Variants in STS observed in about 807,000 individuals in gnomAD.
STS encodes steroid sulfatase, also known as steryl-sulfatase.
STS carries 7 observed loss-of-function variants against 26.8 expected under a neutral mutation model. That is an observed-to-expected ratio of 0.26 (90% CI 0.15 to 0.49). The LOEUF (loss-of-function observed/expected upper bound fraction) is 0.49. Among genes scored for constraint, STS ranks in the 20% least tolerant of loss-of-function variants. The pLI is 0.98. For synonymous variants in STS, 199 were observed against 189.4 expected, an observed-to-expected ratio of 1.05 and a Z score of -0.42; for missense variants, 434 against 465.6, an observed-to-expected ratio of 0.93 and a Z score of 0.63.
intron 7 of STS, among the ~76,000 whole-genome samples, chrX:7,294,319 G>T (rs1353838939): frequency 9.1e-6 from 1 of 109,469 alleles, no homozygotes; most frequent in Non-Finnish European, 1.9e-5. Flanking sequence ...ATTTATTATG[G>T]TATCTTCCAA....
intron 2 of STS, among the ~76,000 whole-genome samples, chrX:7,252,014 A>G (rs755297358): frequency 1.8e-4 from 20 of 111,141 alleles, no homozygotes; most frequent in Non-Finnish European, 2.6e-4. Context: ...AAATTGTTCA[A>G]TTTCTTTCAC....
At position 7,298,405 on chromosome X, in the gene STS, A is replaced by G. The variant is rs148074541; in HGVS notation, c.944-6641A>G. On this transcript the variant is annotated intron_variant, in intron 7 of 10. Coordinates refer to ENST00000674429, the MANE Select transcript of STS (RefSeq NM_001320752.2). ...GGAGATCAGGACTAAAGTTTTGGAA[A>G]TCTTGACCATTTATTTCAGGAAGAA... is the stretch of plus-strand genomic sequence containing the variant. Among the ~76,000 whole-genome samples, 511 of 112,012 alleles carry G rather than the reference A, an allele frequency of 4.6e-3. 2 individuals are homozygous for G. The highest frequency in any genetic ancestry group is 0.016 in the African/African-American group (484 of 30,878).
At position 7,295,889 on chromosome X, in the gene STS, C is replaced by A. The variant is rs769953122; in HGVS notation, c.944-9157C>A. On this transcript the variant is annotated intron_variant, in intron 7 of 10. Coordinates refer to ENST00000674429, the MANE Select transcript of STS (RefSeq NM_001320752.2). ...TTCAAGTGGAAAGAAAGGCTTGGAC[C>A]TGTGACTGATGTACAAGGTGTCAGC... 5.4e-5 allele frequency among the ~76,000 whole-genome samples: 6 copies of A among 111,960 alleles called. No homozygotes were observed. The South Asian group carries it at 2.3e-3, about 42-fold the overall frequency.
At chrX:7,277,468 T>TCAAAAC (rs758876280) in intron 7 of STS, among the ~76,000 whole-genome samples, 2 of 111,788 alleles carry the variant, frequency 1.8e-5, no homozygotes, top group Non-Finnish European at 3.8e-5. Flanking sequence ...TTGTTCTGTT[T>TCAAAAC]TGTTTTAAAT....
intron 1 of STS, among the ~76,000 whole-genome samples, chrX:7,185,795 G>A (rs971189186): frequency 3.1e-4 from 35 of 112,368 alleles, no homozygotes; most frequent in African/African-American, 9.0e-4. Flanking sequence ...TGTTTCTCAG[G>A]AAATTCCTAT....
intron 1 of STS, among the ~76,000 whole-genome samples, chrX:7,172,027 T>G (rs752952208): frequency 2.7e-5 from 3 of 112,052 alleles, no homozygotes; most frequent in Admixed American, 9.5e-5. Context: ...TTTGGGAATA[T>G]TCTCATCACC....
intron 7 of STS, among the ~76,000 whole-genome samples, chrX:7,304,434 G>A (rs1926118593): frequency 9.0e-6 from 1 of 111,386 alleles, no homozygotes; most frequent in Non-Finnish European, 1.9e-5. Context: ...GAGGTCAGGA[G>A]GAATGTTGAT....
At chrX:7,148,406 C>G (rs1209044348) in intron 1 of STS, among the ~76,000 whole-genome samples, 6 of 112,959 alleles carry the variant, frequency 5.3e-5, no homozygotes, top group African/African-American at 1.6e-4. Flanking sequence ...CGGAATCGGG[C>G]CAAGCTACTC....
chrX:7,216,475 C>T (rs1921317648), intron 2 of STS, among the ~76,000 whole-genome samples: 1 of 112,375 alleles, frequency 8.9e-6, no homozygotes, highest in African/African-American at 3.2e-5. Context: ...CACTCTAGGT[C>T]TGCAAGCCTC....
chrX:7,194,683 T>C (rs1933939404), intron 2 of STS, among the ~76,000 whole-genome samples: 1 of 112,079 alleles, frequency 8.9e-6, no homozygotes, highest in South Asian at 3.7e-4. Context: ...AGTTAGCTTG[T>C]GACATTAGAA....
intron 10 of STS, among the ~76,000 whole-genome samples, chrX:7,346,680 A>T (rs1928542929): frequency 8.9e-6 from 1 of 112,275 alleles, no homozygotes; most frequent in Non-Finnish European, 1.9e-5. Flanking sequence ...AACATTTTTT[A>T]AAAATTTAAC....
chrX:7,350,184 C>T lies in STS; in HGVS notation c.1660C>T (p.Leu554Phe). ...GAACAACTTTCTTTGGAAGCCCTGG[C>T]TTCAGCTGTGCTGTCCTTCCACCGG... is the stretch of plus-strand genomic sequence containing the variant. ...SWNNFLWKPW[L>F]QLCCPSTGLS... The change falls in exon 11 of 11, where the codon CTT (leucine) becomes TTT (phenylalanine). Residue 554 changes from leucine (L) to phenylalanine (F), a missense_variant. By Grantham distance (22) the Leu-to-Phe change is conservative. Around this residue, in one of 2 missense-constraint regions of STS, gnomAD observed 205 missense variants for 177.3 expected, o/e 1.16. Transcript: ENST00000674429. 2 of 1,211,890 alleles carry T rather than the reference C, an allele frequency of 1.7e-6. No homozygotes were observed. Among genetic ancestry groups the T allele is most frequent in the Non-Finnish European group, 1.1e-6 (1 of 895,374 alleles).
chrX:7,325,239 A>C, intron 8 of STS, 100 bp from the exon 9 acceptor site: 5 of 839,673 alleles, frequency 6.0e-6, no homozygotes, highest in Non-Finnish European at 7.0e-6. Context: ...TAATTAGAGC[A>C]GTTGGTTCTT....
intron 7 of STS, among the ~76,000 whole-genome samples, chrX:7,301,894 C>T (rs1471190292): frequency 8.9e-6 from 1 of 111,761 alleles, no homozygotes; most frequent in African/African-American, 3.3e-5. Flanking sequence ...TAGCTCATTT[C>T]TTTTTAGCTC....
chrX:7,323,137 C>G (rs1394628055), intron 8 of STS, among the ~76,000 whole-genome samples: 2 of 111,702 alleles, frequency 1.8e-5, no homozygotes, highest in Non-Finnish European at 3.8e-5. Flanking sequence ...AAAGCTGAAG[C>G]TATTTTCTCA....
chrX:7,207,881 C>T (rs1186022261), intron 2 of STS, among the ~76,000 whole-genome samples: 2 of 111,750 alleles, frequency 1.8e-5, no homozygotes, highest in Non-Finnish European at 3.8e-5. Context: ...CATGACTTGT[C>T]CACAAATTGA....
intron 6 of STS, among the ~76,000 whole-genome samples, chrX:7,271,844 C>T (rs1187834227): frequency 9.4e-6 from 1 of 106,709 alleles, no homozygotes; most frequent in African/African-American, 3.4e-5. Context: ...AATAATAAAA[C>T]ATGGTACTGA....
chrX:7,230,173 C>G (rs1303054116), intron 2 of STS, among the ~76,000 whole-genome samples: 1 of 111,452 alleles, frequency 9.0e-6, no homozygotes, highest in Non-Finnish European at 1.9e-5. Context: ...CAGACATGAG[C>G]CACCACCAGG....
chrX:7,265,981 T>A (rs1268599673), intron 6 of STS, among the ~76,000 whole-genome samples: 1 of 112,220 alleles, frequency 8.9e-6, no homozygotes, highest in Non-Finnish European at 1.9e-5. Flanking sequence ...TTATATGTGT[T>A]ATTTCATTAT....
Sources: allele counts gnomAD v4.1 joint callset (sites outside exome capture counted in the v4.1 genomes callset), GRCh38; gene constraint gnomAD v4.1.1; regional missense constraint gnomAD v4.1.1; transcripts MANE v1.5; gene names NCBI Gene and HGNC (gene_info 2026-07-23, HGNC 2026-07-21).